Variants in NEXMIF observed in about 807,000 individuals in gnomAD.
NEXMIF encodes the protein XLMR protein related to neurite extension.
NEXMIF carries 8 observed loss-of-function variants against 62.1 expected under a neutral mutation model. The ratio of observed to expected loss-of-function variants is 0.13; its 90% CI spans 0.08 to 0.23. The LOEUF is 0.23. Ranked by LOEUF, NEXMIF falls within the 10% of genes least tolerant of loss-of-function variation. The pLI, the probability that NEXMIF is intolerant of heterozygous loss-of-function variation, is 1.00. For missense variants in NEXMIF, 976 were observed against 1,113.3 expected (o/e 0.88, Z 1.75); for synonymous variants, 404 against 416.6 (o/e 0.97, Z 0.37).
chrX:74,770,478 T>C (rs1012573339), intron 1 of NEXMIF, among the ~76,000 whole-genome samples: 1 of 112,430 alleles, frequency 8.9e-6, no homozygotes, highest in Non-Finnish European at 1.9e-5. Flanking sequence ...GGCATATTGA[T>C]ATATATGTTC....
intron 1 of NEXMIF, among the ~76,000 whole-genome samples, chrX:74,853,965 G>A (rs985679088): frequency 9.0e-5 from 10 of 111,718 alleles, no homozygotes; most frequent in Non-Finnish European, 1.9e-4. Context: ...GAAAAGCCCA[G>A]GACCAGATGG....
chrX:74,910,757 C>T (rs1373499835), intron 1 of NEXMIF, among the ~76,000 whole-genome samples: 1 of 111,209 alleles, frequency 9.0e-6, no homozygotes, highest in Non-Finnish European at 1.9e-5. Context: ...ATTTGAATCA[C>T]GGGGGCAGTT....
At chrX:74,762,421 CAT>C (rs1357499248) in intron 1 of NEXMIF, among the ~76,000 whole-genome samples, 1 of 111,445 alleles carries the variant, frequency 9.0e-6, no homozygotes, top group African/African-American at 3.3e-5. Flanking sequence ...CCACAATAAA[CAT>C]ATGTGTGCGT....
intron 1 of NEXMIF, among the ~76,000 whole-genome samples, chrX:74,844,438 C>T (rs747729601): frequency 6.3e-5 from 7 of 111,586 alleles, no homozygotes; most frequent in Non-Finnish European, 1.3e-4. Context: ...ATGGGTTGTG[C>T]TTTGGGTTTT....
At chrX:74,767,336 G>A (rs2080197873) in intron 1 of NEXMIF, among the ~76,000 whole-genome samples, 1 of 112,801 alleles carries the variant, frequency 8.9e-6, no homozygotes, top group South Asian at 3.6e-4. Flanking sequence ...CTAAGGTATC[G>A]ACAGTGAAGG....
At chrX:74,769,410 T>A (rs2147454041) in intron 1 of NEXMIF, among the ~76,000 whole-genome samples, 1 of 111,664 alleles carries the variant, frequency 9.0e-6, no homozygotes, top group East Asian at 2.8e-4. Context: ...GCACACAACA[T>A]GCAATGAACC....
intron 1 of NEXMIF, among the ~76,000 whole-genome samples, chrX:74,850,411 C>G (rs2080508837): frequency 8.9e-6 from 1 of 112,252 alleles, no homozygotes; most frequent in African/African-American, 3.2e-5. Flanking sequence ...GAGGTGCAAC[C>G]ATTGGCCTGC....
At chrX:74,752,161 A>G (rs2080146391) in intron 1 of NEXMIF, among the ~76,000 whole-genome samples, 2 of 111,669 alleles carry the variant, frequency 1.8e-5, no homozygotes, top group Admixed American at 9.6e-5. Flanking sequence ...AAAAATTGAC[A>G]TGCAAGAATA....
chrX:74,747,873 C>T (rs2080130590), intron 1 of NEXMIF, among the ~76,000 whole-genome samples: 2 of 112,211 alleles, frequency 1.8e-5, no homozygotes. Context: ...GCCTCAGCCT[C>T]CTGAAGTGCT....
chrX:74,764,884 A>T lies in NEXMIF; in HGVS notation c.-47-19187T>A, dbSNP rs777340183. On this transcript the variant is annotated intron_variant, in intron 1 of 3. Coordinates refer to ENST00000055682, the MANE Select transcript of NEXMIF (RefSeq NM_001008537.3). ...AGAGTATGCGCCATGTGGCAGTGAG[A>T]AGAATGTATATTCTGTTGTTTTGGG... is the stretch of plus-strand genomic sequence containing the variant. Among the ~76,000 whole-genome samples the T allele has an allele frequency of 1.5e-4, 17 of 111,897 alleles. No homozygotes were observed. The South Asian group carries it at 6.4e-3, about 42-fold the overall frequency.
At chrX:74,825,837 G>A (rs2080414633) in intron 1 of NEXMIF, among the ~76,000 whole-genome samples, 1 of 112,430 alleles carries the variant, frequency 8.9e-6, no homozygotes, top group Non-Finnish European at 1.9e-5. Flanking sequence ...ACAGGTGTGA[G>A]CCACCACCCG....
At chrX:74,794,407 C>T (rs1389709828) in intron 1 of NEXMIF, among the ~76,000 whole-genome samples, 7 of 108,622 alleles carry the variant, frequency 6.4e-5, no homozygotes, top group Non-Finnish European at 1.9e-5. Flanking sequence ...TTTAAGTCTG[C>T]AGAGGTTACT....
chrX:74,894,619 C>T (rs1418605597), intron 1 of NEXMIF, among the ~76,000 whole-genome samples: 10 of 112,030 alleles, frequency 8.9e-5, no homozygotes, highest in Non-Finnish European at 1.5e-4. Context: ...TTCAACAATA[C>T]ATTAGAAAGA....
At chrX:74,749,521 T>A (rs1300540295) in intron 1 of NEXMIF, among the ~76,000 whole-genome samples, 1 of 110,638 alleles carries the variant, frequency 9.0e-6, no homozygotes, top group Non-Finnish European at 1.9e-5. Context: ...CCCTCTCCAC[T>A]CCCTTAATAT....
At chrX:74,906,112 T>A (rs1322096992) in intron 1 of NEXMIF, among the ~76,000 whole-genome samples, 1 of 107,442 alleles carries the variant, frequency 9.3e-6, no homozygotes, top group East Asian at 3.0e-4. Context: ...TCTACACAAT[T>A]TTTTTTTTAA....
rs936444862 is a variant in NEXMIF, at chrX:74,735,232, T to G, written c.*4173A>C. Reference sequence around the variant, plus strand: ...CAATAATAAAGGAGAAAATAAACATTTCTATTTCTAGCAATAGTTAGGACT... The same window carrying G: ...CAATAATAAAGGAGAAAATAAACATGTCTATTTCTAGCAATAGTTAGGACT... On this transcript the variant is annotated 3_prime_UTR_variant, in exon 4 of 4. Coordinates refer to ENST00000055682, the MANE Select transcript of NEXMIF (RefSeq NM_001008537.3). The G allele has an allele frequency of 9.0e-6, 1 of 111,640 alleles. No individual in the cohort carries two copies. The highest frequency in any genetic ancestry group is 1.9e-5 in the Non-Finnish European group (1 of 53,111). 9.2% of individuals were successfully genotyped at this position (111,640 alleles called of 1,213,427 possible).
intron 1 of NEXMIF, among the ~76,000 whole-genome samples, chrX:74,868,248 C>T (rs2080587309): frequency 9.0e-6 from 1 of 111,667 alleles, no homozygotes; most frequent in Admixed American, 9.5e-5. Context: ...ACCAGAAATA[C>T]CATTTGACCC....
At chrX:74,796,171 T>TTA (rs1320036681) in intron 1 of NEXMIF, among the ~76,000 whole-genome samples, 6 of 71,807 alleles carry the variant, frequency 8.4e-5, no homozygotes, top group East Asian at 4.0e-4. Context: ...ATTATATATA[T>TTA]TATATATATA....
chrX:74,755,177 G>A (rs746388032), intron 1 of NEXMIF, among the ~76,000 whole-genome samples: 5 of 112,525 alleles, frequency 4.4e-5, no homozygotes, highest in Non-Finnish European at 7.5e-5. Context: ...ACCTCTCTTG[G>A]CTATGTGGAA....
Sources: gnomAD v4.1 joint callset for allele counts (sites outside exome capture counted in the v4.1 genomes callset) on GRCh38, gnomAD v4.1.1 for gene constraint, MANE v1.5 for transcripts, NCBI Gene and HGNC (gene_info 2026-07-23, HGNC 2026-07-21) for gene names.